NR5A2: variants seen among roughly 807,000 people sequenced by gnomAD.
NR5A2 encodes CYP7A promoter-binding factor.
Under a neutral mutation model 62.7 loss-of-function variants are expected in NR5A2, and 26 were observed. That is an observed-to-expected ratio of 0.41 (90% CI 0.30 to 0.58). NR5A2 has a LOEUF of 0.58. Among genes scored for constraint, NR5A2 ranks in the 20% least tolerant of loss-of-function variants. NR5A2 has a pLI of 0.22. For missense variants in NR5A2, 541 were observed against 669.1 expected, an observed-to-expected ratio of 0.81 and a Z score of 2.11; for synonymous variants, 246 against 241.7, an observed-to-expected ratio of 1.02 and a Z score of -0.16.
intron 5 of NR5A2, among the ~76,000 whole-genome samples, chr1:200,109,646 G>T (rs1229208649): frequency 1.3e-5 from 2 of 152,168 alleles, no homozygotes; most frequent in African/African-American, 2.4e-5. Context: ...CAGCTATTCA[G>T]AGTCTTATGG....
intron 7 of NR5A2, among the ~76,000 whole-genome samples, chr1:200,159,544 G>A (rs886307443): frequency 2.0e-5 from 3 of 152,120 alleles, no homozygotes; most frequent in Non-Finnish European, 4.4e-5. Context: ...GTCAACTGCT[G>A]AGTAATATAC....
chr1:200,134,459 G>A (rs188635519), intron 7 of NR5A2, among the ~76,000 whole-genome samples: 10 of 152,122 alleles, frequency 6.6e-5, no homozygotes, highest in African/African-American at 2.4e-4. Context: ...AACTGCCTTC[G>A]ATATTCAGTA....
chr1:200,074,588 T>A, intron 5 of NR5A2, among the ~76,000 whole-genome samples: 1 of 151,190 alleles, frequency 6.6e-6, no homozygotes. Context: ...ATACAAAAAA[T>A]TAGCCAGGTT....
At chr1:200,121,806 A>G (rs1388153891) in intron 7 of NR5A2, among the ~76,000 whole-genome samples, 1 of 151,802 alleles carries the variant, frequency 6.6e-6, no homozygotes, top group Admixed American at 6.5e-5. Flanking sequence ...TCACCAACAT[A>G]TGTTTTTTCT....
chr1:200,173,271 C>A (rs1435754534), intron 7 of NR5A2, among the ~76,000 whole-genome samples: 2 of 152,180 alleles, frequency 1.3e-5, no homozygotes, highest in Admixed American at 1.3e-4. Context: ...ACTTTAGAAA[C>A]TACATGCAGG....
At chr1:200,042,716 G>T in intron 2 of NR5A2, 1 of 391,818 alleles carries the variant, frequency 2.6e-6, no homozygotes, top group Non-Finnish European at 3.5e-6. Context: ...GCGGGTGCCC[G>T]CCCACCCGCG....
intron 5 of NR5A2, among the ~76,000 whole-genome samples, chr1:200,104,205 A>G (rs1665535351): frequency 6.6e-6 from 1 of 152,196 alleles, no homozygotes; most frequent in South Asian, 2.1e-4. Context: ...GGCAGGGAAG[A>G]ACTTCTGGTT....
chr1:200,132,868 A>G (rs1365761407), intron 7 of NR5A2, among the ~76,000 whole-genome samples: 5 of 152,330 alleles, frequency 3.3e-5, no homozygotes, highest in African/African-American at 9.6e-5. Flanking sequence ...GATTTTGGAC[A>G]GCACCAATGT....
rs749644998 is a variant in NR5A2 at position 200,111,334 on chromosome 1, ACC to A, written c.1230+14_1230+15del. 533 of 1,433,884 alleles carry A rather than the reference ACC, an allele frequency of 3.7e-4. 1 individual carries two copies. Among genetic ancestry groups the A allele is most frequent in the African/African-American group, 9.7e-4 (60 of 61,934 alleles). 88.8% of individuals were successfully genotyped at this position (1,433,884 alleles called of 1,614,324 possible). A position where few individuals can be genotyped will look rare whatever the true frequency, so the allele number is the denominator to read the frequency against. On this transcript the variant is annotated intron_variant, in intron 6 of 7. Transcript: ENST00000367362. ...TACTGGGCAACAAGTGAGTGTAGAGACCAAAAAAAAAAAAAAAGCATCTTTTT... is the reference window on the plus strand; with the variant it reads ...TACTGGGCAACAAGTGAGTGTAGAGAAAAAAAAAAAAAAAAGCATCTTTTT...
intron 7 of NR5A2, among the ~76,000 whole-genome samples, chr1:200,132,540 T>G (rs1667011081): frequency 6.6e-6 from 1 of 152,200 alleles, no homozygotes; most frequent in Non-Finnish European, 1.5e-5. Context: ...TGATTACATT[T>G]TATTAATCAG....
chr1:200,161,806 A>G (rs902263780), intron 7 of NR5A2, among the ~76,000 whole-genome samples: 3 of 152,196 alleles, frequency 2.0e-5, no homozygotes, highest in Non-Finnish European at 2.9e-5. Flanking sequence ...TTATTGAATT[A>G]ATTTGCATAT....
intron 5 of NR5A2, among the ~76,000 whole-genome samples, chr1:200,085,604 G>A (rs1170362165): frequency 6.6e-6 from 1 of 150,622 alleles, no homozygotes; most frequent in African/African-American, 2.5e-5. Context: ...AGAATATCTG[G>A]ATACAGAGAG....
At position 200,065,579 on chromosome 1, in the gene NR5A2, C is replaced by T. The variant is rs542676870; in HGVS notation, c.1110+16761C>T. On this transcript the variant is annotated intron_variant, in intron 5 of 7. Transcript: ENST00000367362. ...GCCCAGTGTGCCTAAAGTGATTCCA[C>T]ACTAGCTTTTTAAAATTACATATTC... Among the ~76,000 whole-genome samples, 25 of 152,366 alleles carry T rather than the reference C, an allele frequency of 1.6e-4. 1 individual carries two copies. The Middle Eastern group carries it at 0.01, about 62-fold the overall frequency.
chr1:200,122,390 T>C (rs1379377143), intron 7 of NR5A2, among the ~76,000 whole-genome samples: 2 of 152,228 alleles, frequency 1.3e-5, no homozygotes, highest in South Asian at 2.1e-4. Context: ...TAAGAAACTG[T>C]ATAGCATCTT....
rs528266429 is a variant in NR5A2 at position 200,118,029 on chromosome 1, T to A, written c.1231-2779T>A. Among the ~76,000 whole-genome samples, 324 of 148,444 alleles carry A rather than the reference T, an allele frequency of 2.2e-3. 2 individuals carry two copies. Among genetic ancestry groups the A allele is most frequent in the African/African-American group, 7.8e-3 (314 of 40,310 alleles). On this transcript the variant is annotated intron_variant, in intron 6 of 7. Transcript: ENST00000367362. ...GCACCTCGCCTTTTTCTTTTTTTTTTTTTTTTTGAGACAGTCTCACTCTGT... is the reference window on the plus strand; with the variant it reads ...GCACCTCGCCTTTTTCTTTTTTTTTATTTTTTTGAGACAGTCTCACTCTGT...
chr1:200,103,280 C>T (rs192515770), intron 5 of NR5A2, among the ~76,000 whole-genome samples: 155 of 152,052 alleles, frequency 1.0e-3, no homozygotes, highest in Admixed American at 2.8e-3. Flanking sequence ...CATGCCACCA[C>T]GCTGGGCTAA....
intron 1 of NR5A2, 113 bp downstream of exon 1, chr1:200,028,024 T>C: frequency 1.5e-6 from 1 of 675,674 alleles, no homozygotes; most frequent in Non-Finnish European, 2.4e-6. Context: ...ATTATGTTTA[T>C]TAAAAGCACA....
At chr1:200,094,822 G>A (rs992723555) in intron 5 of NR5A2, among the ~76,000 whole-genome samples, 3 of 151,870 alleles carry the variant, frequency 2.0e-5, no homozygotes, top group South Asian at 4.2e-4. Context: ...GTGAGCCACC[G>A]CGCCTGGCCA....
intron 5 of NR5A2, among the ~76,000 whole-genome samples, chr1:200,054,915 A>G (rs1057280291): frequency 2.0e-5 from 3 of 149,024 alleles, no homozygotes; most frequent in African/African-American, 7.4e-5. Context: ...TTTTTTTTTT[A>G]AGACAGGGTC....
Sources: allele counts gnomAD v4.1 joint callset (sites outside exome capture counted in the v4.1 genomes callset), GRCh38; gene constraint gnomAD v4.1.1; transcripts MANE v1.5; gene names NCBI Gene and HGNC (gene_info 2026-07-23, HGNC 2026-07-21).